Variants in CDK14 observed in about 807,000 individuals in gnomAD.
CDK14 encodes cyclin-dependent kinase 14.
CDK14 carries 34 observed loss-of-function variants against 60.7 expected under a neutral mutation model. The ratio of observed to expected loss-of-function variants is 0.56; its 90% confidence interval spans 0.43 to 0.75. The LOEUF (loss-of-function observed/expected upper bound fraction) is 0.75. Among genes scored for constraint, CDK14 ranks in the 30% least tolerant of loss-of-function variants. The pLI, the probability that CDK14 is intolerant of heterozygous loss-of-function variation, is 0.00. For synonymous variants in CDK14, 197 were observed against 203.7 expected (o/e 0.97, Z 0.28); for missense variants, 482 against 564.1 (o/e 0.85, Z 1.47).
At chr7:90,672,502 G>GTTTTTTTTTTTTTTTTTTTTTTTTTTTTT (rs201978996) in intron 2 of CDK14, among the ~76,000 whole-genome samples, 1 of 49,984 alleles carries the variant, frequency 2.0e-5, no homozygotes. Flanking sequence ...TTCTTCTTCT[G>GTTTTTTTTTTTTTTTTTTTTTTTTTTTTT]TTTTTTTTTT....
At chr7:90,933,579 A>G (rs1271418433) in intron 8 of CDK14, among the ~76,000 whole-genome samples, 5 of 152,242 alleles carry the variant, frequency 3.3e-5, no homozygotes, top group Non-Finnish European at 2.9e-5. Flanking sequence ...ATCACTAACT[A>G]TATTGTATGA....
At chr7:90,596,810 G>C (rs1395191802) in intron 1 of CDK14, 92 bp downstream of exon 1, 1 of 1,083,734 alleles carries the variant, frequency 9.2e-7, no homozygotes, top group African/African-American at 1.5e-5. Context: ...GCAGCTGCCA[G>C]CGGGGCTGGC....
chr7:90,965,730 C>T (rs1169506757), intron 9 of CDK14, among the ~76,000 whole-genome samples: 1 of 152,144 alleles, frequency 6.6e-6, no homozygotes, highest in Non-Finnish European at 1.5e-5. Context: ...TTGAAAACGC[C>T]TTTATTCTAC....
intron 5 of CDK14, among the ~76,000 whole-genome samples, chr7:90,854,641 G>A (rs1304227984): frequency 2.7e-5 from 4 of 150,726 alleles, no homozygotes; most frequent in African/African-American, 9.8e-5. Flanking sequence ...GGCTTGGTGC[G>A]AAACCACTCA....
intron 14 of CDK14, among the ~76,000 whole-genome samples, chr7:91,156,086 C>G (rs1035588085): frequency 6.6e-6 from 1 of 152,198 alleles, no homozygotes; most frequent in African/African-American, 2.4e-5. Flanking sequence ...TGTTGGCACT[C>G]ATTTATCACC....
chr7:91,124,825 A>G (rs551307087), intron 14 of CDK14, among the ~76,000 whole-genome samples: 1 of 152,210 alleles, frequency 6.6e-6, no homozygotes, highest in Non-Finnish European at 1.5e-5. Context: ...ATTACAAGGA[A>G]GTTAGCAGTC....
intron 2 of CDK14, among the ~76,000 whole-genome samples, chr7:90,629,814 G>GCCGGGAGTTGGAGACCA (rs1171747360): frequency 9.9e-5 from 15 of 152,200 alleles, no homozygotes; most frequent in African/African-American, 3.6e-4. Flanking sequence ...ATCACTTGAG[G>GCCGGGAGTTGGAGACCA]CCGGGAGTTG....
chr7:90,846,548 C>A (rs1790476026), intron 5 of CDK14, among the ~76,000 whole-genome samples: 1 of 152,030 alleles, frequency 6.6e-6, no homozygotes, highest in African/African-American at 2.4e-5. Flanking sequence ...TAAGCAGTAC[C>A]CCAGATTCTA....
At chr7:90,838,291 A>G (rs2117135213) in intron 5 of CDK14, among the ~76,000 whole-genome samples, 1 of 152,302 alleles carries the variant, frequency 6.6e-6, no homozygotes, top group Middle Eastern at 3.4e-3. Context: ...TTAATCTCTT[A>G]ATCCTGTCAT....
intron 9 of CDK14, among the ~76,000 whole-genome samples, chr7:90,983,377 A>G (rs1472295514): frequency 6.6e-6 from 1 of 152,128 alleles, no homozygotes; most frequent in African/African-American, 2.4e-5. Context: ...TGCAGCCATA[A>G]AAAAAGAATG....
chr7:90,902,649 T>A (rs916631936), intron 7 of CDK14, among the ~76,000 whole-genome samples: 1 of 152,110 alleles, frequency 6.6e-6, no homozygotes, highest in Non-Finnish European at 1.5e-5. Context: ...ACTATTGAAC[T>A]CATGCAAGAA....
chr7:91,001,383 TAGC>T (rs1243262350), intron 10 of CDK14, among the ~76,000 whole-genome samples: 1 of 152,154 alleles, frequency 6.6e-6, no homozygotes, highest in African/African-American at 2.4e-5. Flanking sequence ...TCTTTGATAA[TAGC>T]AGCCTGTCGC....
At position 90,889,258 on chromosome 7, in the gene CDK14, A is replaced by G. The variant is rs1028735490; in HGVS notation, c.640-10033A>G. On this transcript the variant is annotated intron_variant, in intron 6 of 14. Transcript: ENST00000380050. Reference sequence around the variant, plus strand: ...CATGAATACCTGCATTCCTTTTATCAGAGAAGAATAGTTTGCAATAGTCTT... The same window carrying G: ...CATGAATACCTGCATTCCTTTTATCGGAGAAGAATAGTTTGCAATAGTCTT... Among the ~76,000 whole-genome samples, 4 of 152,342 alleles carry G rather than the reference A, an allele frequency of 2.6e-5. No homozygotes were observed. In the South Asian group the frequency reaches 6.2e-4, roughly 24 times the overall value.
intron 8 of CDK14, among the ~76,000 whole-genome samples, chr7:90,949,319 G>T (rs927397776): frequency 6.6e-6 from 1 of 151,810 alleles, no homozygotes; most frequent in African/African-American, 2.4e-5. Context: ...CTCTGTCTCC[G>T]CTTCCTGAGT....
Position 90,621,663 on chromosome 7 carries a change from T to TCCTTCCTGCCTTCCTGCCTTCCTG in CDK14, c.123+17422_123+17445dup, listed in dbSNP as rs1285193236. Among the ~76,000 whole-genome samples, 341 of 112,592 alleles carry TCCTTCCTGCCTTCCTGCCTTCCTG rather than the reference T, an allele frequency of 3.0e-3. 5 individuals are homozygous for TCCTTCCTGCCTTCCTGCCTTCCTG. The highest frequency in any genetic ancestry group is 8.6e-3 in the Middle Eastern group (2 of 232). The allele number at this position is 112,592 out of a possible 152,430, so 73.9% of individuals were successfully genotyped here. A position where few individuals can be genotyped will look rare whatever the true frequency, so the allele number is the denominator to read the frequency against. The stretch of plus-strand genomic sequence containing the variant: ...TTCCTTCCTTCCTTCCTTCCTTCCT[T>TCCTTCCTGCCTTCCTGCCTTCCTG]CCTTCCTGCCTTCCTGCCTTCCTGC... On this transcript the variant is annotated intron_variant, in intron 2 of 14. Coordinates refer to ENST00000380050, the MANE Select transcript of CDK14 (RefSeq NM_001287135.2).
chr7:90,977,933 C>A (rs1584191727), intron 9 of CDK14, among the ~76,000 whole-genome samples: 1 of 152,100 alleles, frequency 6.6e-6, no homozygotes, highest in South Asian at 2.1e-4. Context: ...AAAAGCCAAA[C>A]ACAATTTAAC....
At chr7:90,883,209 TAAAG>T (rs1231635828) in intron 6 of CDK14, among the ~76,000 whole-genome samples, 6 of 151,614 alleles carry the variant, frequency 4.0e-5, no homozygotes, top group Non-Finnish European at 8.8e-5. Flanking sequence ...GCTAGACTAA[TAAAG>T]AAGAAGAGGG....
intron 2 of CDK14, among the ~76,000 whole-genome samples, chr7:90,670,835 T>C (rs1801082126): frequency 6.6e-6 from 1 of 152,114 alleles, no homozygotes; most frequent in Admixed American, 6.5e-5. Context: ...GATATCCAAA[T>C]CATATCATTC....
chr7:90,881,057 C>T (rs752024965), intron 6 of CDK14, among the ~76,000 whole-genome samples: 2 of 152,140 alleles, frequency 1.3e-5, no homozygotes, highest in African/African-American at 2.4e-5. Context: ...TGCAATGTCT[C>T]TCCATCAAGG....
Sources: gnomAD v4.1 joint callset for allele counts (sites outside exome capture counted in the v4.1 genomes callset) on GRCh38, gnomAD v4.1.1 for gene constraint, MANE v1.5 for transcripts, NCBI Gene and HGNC (gene_info 2026-07-23, HGNC 2026-07-21) for gene names.